Variants in ZMIZ1 observed in about 807,000 individuals in gnomAD.
The protein encoded by ZMIZ1 is zinc finger MIZ domain-containing protein 1.
ZMIZ1 carries 17 observed loss-of-function variants against 113.9 expected under a neutral mutation model. The ratio of observed to expected loss-of-function variants is 0.15; its 90% CI spans 0.10 to 0.22. The LOEUF is 0.22. Among genes scored for constraint, ZMIZ1 ranks in the 10% least tolerant of loss-of-function variants. The pLI is 1.00. For synonymous variants in ZMIZ1, 607 were observed against 603.1 expected (o/e 1.01, Z -0.09); for missense variants, 1,059 against 1,477.8 (o/e 0.72, Z 4.65).
At chr10:79,257,146 T>G (rs1403325722) in intron 7 of ZMIZ1, among the ~76,000 whole-genome samples, 1 of 152,190 alleles carries the variant, frequency 6.6e-6, no homozygotes, top group East Asian at 1.9e-4. Flanking sequence ...TTTATTCACA[T>G]GTCAACTCCG....
chr10:79,086,650 C>T lies in ZMIZ1; in HGVS notation c.-337+17380C>T, dbSNP rs891108446. The stretch of plus-strand genomic sequence containing the variant: ...CACCTCTGCCTCCTGCTGGGACTAC[C>T]GGCACGAGCCATCACCCCGGCTAAT... On this transcript the variant is annotated intron_variant, in intron 1 of 24. Coordinates refer to ENST00000334512, the MANE Select transcript of ZMIZ1 (RefSeq NM_020338.4). 2.2e-4 allele frequency among the ~76,000 whole-genome samples: 33 copies of T among 152,150 alleles called. 1 individual carries two copies. Among genetic ancestry groups the T allele is most frequent in the Admixed American group, 2.0e-3 (30 of 15,280 alleles).
At chr10:79,168,393 C>G (rs1846453301) in intron 4 of ZMIZ1, among the ~76,000 whole-genome samples, 1 of 152,124 alleles carries the variant, frequency 6.6e-6, no homozygotes, top group Non-Finnish European at 1.5e-5. Flanking sequence ...ACCCCATGGC[C>G]TTTTTTTGTC....
At chr10:79,279,150 GC>G (rs1564576318) in intron 8 of ZMIZ1, among the ~76,000 whole-genome samples, 1 of 150,728 alleles carries the variant, frequency 6.6e-6, no homozygotes, top group Admixed American at 6.6e-5. Context: ...GACGGGGGCT[GC>G]CCCCGACCTC....
intron 17 of ZMIZ1, 118 bp downstream of exon 17, chr10:79,301,060 G>A (rs979268646): frequency 3.7e-5 from 52 of 1,418,006 alleles, no homozygotes; most frequent in Non-Finnish European, 2.7e-5. Flanking sequence ...CACCACCCCC[G>A]TGCCCACAGC....
At chr10:79,136,093 A>C (rs1844997066) in intron 2 of ZMIZ1, among the ~76,000 whole-genome samples, 1 of 152,168 alleles carries the variant, frequency 6.6e-6, no homozygotes, top group Non-Finnish European at 1.5e-5. Flanking sequence ...TGGCCACCCC[A>C]GTCCTCCAGG....
intron 2 of ZMIZ1, among the ~76,000 whole-genome samples, chr10:79,125,302 G>T (rs2132348022): frequency 6.6e-6 from 1 of 152,360 alleles, no homozygotes; most frequent in East Asian, 1.9e-4. Flanking sequence ...AGTGGGATCA[G>T]AGAGGCTCAG....
chr10:79,265,472 T>C (rs1011188536), intron 7 of ZMIZ1, among the ~76,000 whole-genome samples: 4 of 149,958 alleles, frequency 2.7e-5, no homozygotes, highest in East Asian at 1.9e-4. Context: ...TCTTTTCTTT[T>C]TTTTTTTTTT....
chr10:79,276,468 C>T (rs1589544354), intron 7 of ZMIZ1, among the ~76,000 whole-genome samples: 2 of 152,322 alleles, frequency 1.3e-5, no homozygotes, highest in African/African-American at 2.4e-5. Flanking sequence ...GCTCTGTGCT[C>T]CTGCCTTGGG....
At chr10:79,213,444 G>A (rs947170001) in intron 6 of ZMIZ1, among the ~76,000 whole-genome samples, 5 of 152,190 alleles carry the variant, frequency 3.3e-5, no homozygotes, top group Non-Finnish European at 7.3e-5. Context: ...GTGAAAGGAG[G>A]CTATTGGAGC....
rs117611347 is a variant in ZMIZ1 at position 79,186,619 on chromosome 10, C to T, written c.-49-14965C>T. Among the ~76,000 whole-genome samples, 170 of 152,360 alleles carry T rather than the reference C, an allele frequency of 1.1e-3. 1 individual carries two copies. In the East Asian group the frequency reaches 0.021, roughly 19 times the overall value. ...CTTTGTAATTAATATGCAACTGCCA[C>T]TTAAGCTAAAACACTGCTTATAGAG... On this transcript the variant is annotated intron_variant, in intron 4 of 24. Transcript: ENST00000334512.
chr10:79,216,381 T>A, intron 7 of ZMIZ1, 107 bp downstream of exon 7: 2 of 992,836 alleles, frequency 2.0e-6, no homozygotes, highest in Non-Finnish European at 2.9e-6. Context: ...TCCATTTGTC[T>A]AGGTGTAGTG....
intron 7 of ZMIZ1, among the ~76,000 whole-genome samples, chr10:79,242,578 C>T (rs1340233291): frequency 7.5e-6 from 1 of 133,288 alleles, no homozygotes; most frequent in South Asian, 2.5e-4. Flanking sequence ...CCGGCCGAGG[C>T]CCCCTCCAGT....
At chr10:79,266,377 C>T (rs1393161360) in intron 7 of ZMIZ1, among the ~76,000 whole-genome samples, 3 of 152,196 alleles carry the variant, frequency 2.0e-5, no homozygotes, top group Non-Finnish European at 2.9e-5. Context: ...TGAATCACCC[C>T]TTCTTGGGCC....
chr10:79,193,586 G>A (rs1847698380), intron 4 of ZMIZ1, among the ~76,000 whole-genome samples: 1 of 152,202 alleles, frequency 6.6e-6, no homozygotes, highest in Non-Finnish European at 1.5e-5. Context: ...CTAGACTAAG[G>A]GATCTGTAAC....
At chr10:79,106,147 G>A (rs1843548142) in intron 1 of ZMIZ1, among the ~76,000 whole-genome samples, 1 of 152,182 alleles carries the variant, frequency 6.6e-6, no homozygotes, top group Non-Finnish European at 1.5e-5. Context: ...CCCACCCCCA[G>A]GCCCTCTGTG....
intron 3 of ZMIZ1, among the ~76,000 whole-genome samples, chr10:79,141,956 G>GC (rs1177738261): frequency 6.6e-6 from 1 of 152,196 alleles, no homozygotes; most frequent in African/African-American, 2.4e-5. Context: ...GGGACGAAGG[G>GC]GTAGTGGAGG....
chr10:79,127,919 C>G (rs1331521521), intron 2 of ZMIZ1, among the ~76,000 whole-genome samples: 2 of 152,234 alleles, frequency 1.3e-5, no homozygotes. Context: ...CAGGGCCCAG[C>G]TTCCCAGGGC....
At chr10:79,237,231 GAGA>G (rs1285144112) in intron 7 of ZMIZ1, among the ~76,000 whole-genome samples, 3 of 152,258 alleles carry the variant, frequency 2.0e-5, no homozygotes, top group Non-Finnish European at 2.9e-5. Flanking sequence ...TGAGGTCAGA[GAGA>G]TGACGGAGAC....
rs1852845972 is a variant in ZMIZ1 at position 79,283,163 on chromosome 10, G to A, written c.425+5838G>A. ...CTGGGGAAGCCTCCAAGATTGAGAG[G>A]TGCCTTCCTCCTTCTTATAGGTGCG... is the stretch of plus-strand genomic sequence containing the variant. On this transcript the variant is annotated intron_variant, in intron 8 of 24. Transcript: ENST00000334512. Among the ~76,000 whole-genome samples the A allele has an allele frequency of 2.6e-5, 4 of 152,356 alleles. No individual in the cohort carries two copies. In the South Asian group the frequency reaches 8.3e-4, roughly 32 times the overall value.
Sources: allele counts gnomAD v4.1 joint callset (sites outside exome capture counted in the v4.1 genomes callset), GRCh38; gene constraint gnomAD v4.1.1; transcripts MANE v1.5; gene names NCBI Gene and HGNC (gene_info 2026-07-23, HGNC 2026-07-21).